Variants in GRPR observed in about 807,000 individuals in gnomAD.
GRPR encodes the protein gastrin releasing peptide receptor.
Under a neutral mutation model 15.6 loss-of-function variants are expected in GRPR, and 4 were observed. The ratio of observed to expected loss-of-function variants is 0.26; its 90% CI spans 0.13 to 0.59. The LOEUF (loss-of-function observed/expected upper bound fraction) is 0.59, where lower values mean the gene tolerates loss of function less well. GRPR is among the 20% of genes least tolerant of loss of function. GRPR has a pLI of 0.90. For missense variants in GRPR, 270 were observed against 304.1 expected (o/e 0.89, Z 0.83); for synonymous variants, 128 against 126.8 (o/e 1.01, Z -0.06).
Position 16,142,384 on chromosome X carries a change from C to G in GRPR, c.414-7921C>G, listed in dbSNP as rs181427797. Among the ~76,000 whole-genome samples, 335 of 111,520 alleles carry G rather than the reference C, an allele frequency of 3.0e-3. 4 individuals are homozygous for G. The highest frequency in any genetic ancestry group is 5.4e-3 in the Non-Finnish European group (284 of 53,045). ...ACCCACATTCAGCAATTACCATTTC[C>G]TAGATTTTTTTTCTCTCTTTCTTTC... On this transcript the variant is annotated intron_variant, in intron 1 of 2. Transcript: ENST00000380289.
intron 1 of GRPR, among the ~76,000 whole-genome samples, chrX:16,129,948 C>T (rs963481424): frequency 2.7e-5 from 3 of 111,290 alleles, no homozygotes; most frequent in Non-Finnish European, 3.8e-5. Flanking sequence ...CCAGACTTCT[C>T]CCCCTCTAAC....
At chrX:16,145,535 T>C (rs1365296098) in intron 1 of GRPR, among the ~76,000 whole-genome samples, 1 of 112,080 alleles carries the variant, frequency 8.9e-6, no homozygotes, top group Non-Finnish European at 1.9e-5. Flanking sequence ...TGGTGGTTAA[T>C]GGGTACAAAA....
In GRPR at chrX:16,147,697, G is replaced by C. The variant is rs772488799; in HGVS notation, c.414-2608G>C. On this transcript the variant is annotated intron_variant, in intron 1 of 2. Coordinates refer to ENST00000380289, the MANE Select transcript of GRPR (RefSeq NM_005314.3). ...TATTTTAAAAGTTGTGAATTTAAAAGAAAGAGCATAGTTCCCATGGTATTT... is the reference window on the plus strand; with the variant it reads ...TATTTTAAAAGTTGTGAATTTAAAACAAAGAGCATAGTTCCCATGGTATTT... 1.1e-3 allele frequency among the ~76,000 whole-genome samples: 126 copies of C among 111,904 alleles called. 1 individual carries two copies. In the Middle Eastern group the frequency reaches 0.019, roughly 17 times the overall value.
rs917495058 is a variant in GRPR, at chrX:16,153,437, G to A, written c.*792G>A. ...GCTGCTACGGTTTTAATCATCCAGG[G>A]TGCCATTCCACCATAGAAGAGCAAT... On this transcript the variant is annotated 3_prime_UTR_variant, in exon 3 of 3. Transcript: ENST00000380289. The A allele has an allele frequency of 3.8e-5, 4 of 104,664 alleles. No individual in the cohort carries two copies. Among genetic ancestry groups the A allele is most frequent in the Non-Finnish European group, 7.8e-5 (4 of 51,367 alleles). 8.6% of individuals were successfully genotyped at this position (104,664 alleles called of 1,213,427 possible). A position where few individuals can be genotyped will look rare whatever the true frequency, so the allele number is the denominator to read the frequency against.
intron 1 of GRPR, among the ~76,000 whole-genome samples, chrX:16,131,444 A>G (rs895707030): frequency 2.7e-5 from 3 of 112,009 alleles, no homozygotes; most frequent in Non-Finnish European, 5.6e-5. Flanking sequence ...ATACTACCCC[A>G]TAATCCAATT....
At chrX:16,125,625 G>A (rs1922278301) in intron 1 of GRPR, among the ~76,000 whole-genome samples, 1 of 112,374 alleles carries the variant, frequency 8.9e-6, no homozygotes, top group African/African-American at 3.2e-5. Context: ...AATAAAGATA[G>A]TGTTATCAGT....
chrX:16,124,039 C>T lies in GRPR; in HGVS notation c.86C>T (p.Pro29Leu). The T allele has an allele frequency of 1.5e-5, 18 of 1,204,972 alleles. No individual in the cohort carries two copies. The highest frequency in any genetic ancestry group is 2.0e-5 in the Non-Finnish European group (18 of 889,373). ...CNISSHSADL[P>L]VNDDWSHPGI... ...ATCTCCAGTCACAGTGCGGATCTCC[C>T]CGTGAACGATGACTGGTCCCACCCG... The change falls in exon 1 of 3, where the codon CCC (proline) becomes CTC (leucine). Residue 29 changes from proline to leucine, a missense_variant. Pro to Leu is a moderately conservative substitution (Grantham distance 98, BLOSUM62 -3). Around this residue, in one of 3 missense-constraint regions of GRPR, gnomAD observed 115 missense variants for 128.8 expected, o/e 0.89. Coordinates refer to ENST00000380289, the MANE Select transcript of GRPR (RefSeq NM_005314.3).
Position 16,152,257 on chromosome X carries a change from T to A in GRPR, c.767T>A (p.Ile256Asn). The A allele has an allele frequency of 8.3e-7, 1 of 1,204,732 alleles. No individual in the cohort carries two copies. The highest frequency in any genetic ancestry group is 1.1e-6 in the Non-Finnish European group (1 of 889,126). ...VEGNIHVKKQ[I>N]ESRKRLAKTV... ...CTCTCCATGTGATTCTCTCCTTAGATTGAATCCCGGAAGCGACTTGCCAAG... is the reference window on the plus strand; with the variant it reads ...CTCTCCATGTGATTCTCTCCTTAGAATGAATCCCGGAAGCGACTTGCCAAG... Residue 256 changes from isoleucine to asparagine, a missense_variant and splice_region_variant, in exon 3 of 3, where the codon ATT (isoleucine) becomes AAT (asparagine). Coordinates refer to ENST00000380289, the MANE Select transcript of GRPR (RefSeq NM_005314.3).
intron 1 of GRPR, among the ~76,000 whole-genome samples, chrX:16,143,797 G>A (rs1922564596): frequency 8.9e-6 from 1 of 112,275 alleles, no homozygotes; most frequent in South Asian, 3.7e-4. Context: ...ATTCAGTGTA[G>A]CACCTCAGTT....
At chrX:16,139,818 T>G (rs1219149641) in intron 1 of GRPR, among the ~76,000 whole-genome samples, 1 of 111,973 alleles carries the variant, frequency 8.9e-6, no homozygotes, top group African/African-American at 3.2e-5. Flanking sequence ...CGTTTCTTCA[T>G]GTGTTAAGAA....
intron 1 of GRPR, among the ~76,000 whole-genome samples, chrX:16,130,779 G>C (rs1922364995): frequency 8.9e-6 from 1 of 112,451 alleles, no homozygotes; most frequent in African/African-American, 3.2e-5. Flanking sequence ...GCTGGAACCA[G>C]TTTACATAAG....
At chrX:16,128,287 G>T (rs1414995007) in intron 1 of GRPR, among the ~76,000 whole-genome samples, 1 of 112,116 alleles carries the variant, frequency 8.9e-6, no homozygotes, top group Non-Finnish European at 1.9e-5. Flanking sequence ...GGCCAAGGTG[G>T]GTGGATCACT....
At chrX:16,144,722 A>G (rs1281559559) in intron 1 of GRPR, among the ~76,000 whole-genome samples, 1 of 111,834 alleles carries the variant, frequency 8.9e-6, no homozygotes. Context: ...AGATGTTTTC[A>G]GAAGTGGGAA....
chrX:16,125,163 T>C (rs1922270625), intron 1 of GRPR, among the ~76,000 whole-genome samples: 1 of 112,530 alleles, frequency 8.9e-6, no homozygotes, highest in Admixed American at 9.4e-5. Flanking sequence ...TGCATAAAAG[T>C]TTACGTTTAT....
chrX:16,132,331 C>A (rs936132620), intron 1 of GRPR, among the ~76,000 whole-genome samples: 7 of 111,572 alleles, frequency 6.3e-5, no homozygotes, highest in Non-Finnish European at 1.3e-4. Flanking sequence ...TAAAGAAAAA[C>A]CAAATAAAAT....
chrX:16,147,259 G>T (rs1428727055), intron 1 of GRPR, among the ~76,000 whole-genome samples: 1 of 110,996 alleles, frequency 9.0e-6, no homozygotes, highest in African/African-American at 3.3e-5. Context: ...ACACATAGCC[G>T]CAATACCCTT....
intron 1 of GRPR, among the ~76,000 whole-genome samples, chrX:16,143,419 A>G (rs1922558587): frequency 8.8e-6 from 1 of 113,003 alleles, no homozygotes; most frequent in Admixed American, 9.3e-5. Context: ...TCACGCACAA[A>G]TTAAAGCAAT....
At chrX:16,125,717 C>T (rs1054292858) in intron 1 of GRPR, among the ~76,000 whole-genome samples, 1 of 112,129 alleles carries the variant, frequency 8.9e-6, no homozygotes, top group Non-Finnish European at 1.9e-5. Flanking sequence ...AAAGTAATAG[C>T]ACAGAAGTAA....
rs1922717722 is a variant in GRPR, at chrX:16,152,151, A to G, written c.766-105A>G. On this transcript the variant is annotated intron_variant, in intron 2 of 2. Transcript: ENST00000380289. ...CTTTGTGAACTCCTCTATTGCCCTA[A>G]TTGTTTTTCCCTTTCTCTTTCTCTG... 4.1e-6 allele frequency: 3 copies of G among 729,331 alleles called. No individual in the cohort carries two copies. In the East Asian group the frequency reaches 9.5e-5, roughly 23 times the overall value. The allele number at this position is 729,331 out of a possible 1,213,427, so 60.1% of individuals were successfully genotyped here. A position where few individuals can be genotyped will look rare whatever the true frequency, so the allele number is the denominator to read the frequency against.
Sources: allele counts gnomAD v4.1 joint callset (sites outside exome capture counted in the v4.1 genomes callset), GRCh38; gene constraint gnomAD v4.1.1; regional missense constraint gnomAD v4.1.1; transcripts MANE v1.5; gene names NCBI Gene and HGNC (gene_info 2026-07-23, HGNC 2026-07-21).